Variants in LSAMP observed in about 807,000 individuals in gnomAD.
LSAMP encodes the protein limbic system-associated membrane protein.
LSAMP carries 7 observed loss-of-function variants against 38.6 expected under a neutral mutation model. The observed-to-expected ratio is 0.18, with a 90% CI of 0.10 to 0.34. The LOEUF is 0.34. Among genes scored for constraint, LSAMP ranks in the 10% least tolerant of loss-of-function variants. LSAMP has a pLI of 1.00. For synonymous variants in LSAMP, 154 were observed against 166.8 expected (o/e 0.92, Z 0.59); for missense variants, 313 against 420.0 (o/e 0.75, Z 2.23).
intron 3 of LSAMP, among the ~76,000 whole-genome samples, chr3:115,990,449 T>C (rs969131167): frequency 2.0e-5 from 3 of 152,062 alleles, no homozygotes; most frequent in Admixed American, 1.3e-4. Flanking sequence ...ATAAATTCTG[T>C]GACCTAGTAG....
chr3:116,102,785 A>ATCTG (rs1553703925), intron 1 of LSAMP, among the ~76,000 whole-genome samples: 7 of 151,690 alleles, frequency 4.6e-5, no homozygotes, highest in Non-Finnish European at 8.8e-5. Flanking sequence ...CTATCTATCT[A>ATCTG]TCTGTCTGTC....
chr3:116,165,693 G>C (rs1243922130), intron 1 of LSAMP, among the ~76,000 whole-genome samples: 1 of 152,084 alleles, frequency 6.6e-6, no homozygotes, highest in East Asian at 1.9e-4. Flanking sequence ...ATGTGAGCAG[G>C]GCAGGCTAGT....
chr3:115,886,038 G>C (rs1231778274), intron 3 of LSAMP, among the ~76,000 whole-genome samples: 1 of 151,918 alleles, frequency 6.6e-6, no homozygotes, highest in East Asian at 1.9e-4. Flanking sequence ...TTCTCTCTGT[G>C]CTTCAGAGAA....
chr3:116,281,495 G>T (rs778924090), intron 1 of LSAMP, among the ~76,000 whole-genome samples: 6 of 152,166 alleles, frequency 3.9e-5, no homozygotes, highest in African/African-American at 7.2e-5. Context: ...AGATTCAGAC[G>T]TGGTAGTTAG....
chr3:116,257,072 G>A (rs2107654449), intron 1 of LSAMP, among the ~76,000 whole-genome samples: 1 of 152,296 alleles, frequency 6.6e-6, no homozygotes, highest in South Asian at 2.1e-4. Context: ...GCTCTTCAAA[G>A]GAGGTACACA....
chr3:116,249,729 A>C (rs2046654550), intron 1 of LSAMP, among the ~76,000 whole-genome samples: 1 of 151,892 alleles, frequency 6.6e-6, no homozygotes, highest in South Asian at 2.1e-4. Context: ...TATATCCAAG[A>C]GAGTCCCGAA....
chr3:115,990,298 A>G lies in LSAMP; in HGVS notation c.514+29217T>C, dbSNP rs143606653. On this transcript the variant is annotated intron_variant, in intron 3 of 6. Coordinates refer to ENST00000490035, the MANE Select transcript of LSAMP (RefSeq NM_002338.5). ...TAGAGGGCTATAACAGCCAATCATGATAATAGGTTTGGTATTTGGGAGGAA... is the reference window on the plus strand; with the variant it reads ...TAGAGGGCTATAACAGCCAATCATGGTAATAGGTTTGGTATTTGGGAGGAA... 3.7e-3 allele frequency among the ~76,000 whole-genome samples: 569 copies of G among 152,186 alleles called. 1 individual carries two copies. Among genetic ancestry groups the G allele is most frequent in the African/African-American group, 0.012 (499 of 41,558 alleles).
intron 3 of LSAMP, among the ~76,000 whole-genome samples, chr3:115,932,797 T>G (rs899856191): frequency 6.6e-6 from 1 of 152,246 alleles, no homozygotes; most frequent in Non-Finnish European, 1.5e-5. Flanking sequence ...TATTCAATTA[T>G]TATTCAATTG....
At chr3:116,222,329 AT>A (rs2046295343) in intron 1 of LSAMP, among the ~76,000 whole-genome samples, 3 of 150,794 alleles carry the variant, frequency 2.0e-5, no homozygotes, top group Admixed American at 6.6e-5. Context: ...GCTGCATCCT[AT>A]GGGTTGACAG....
chr3:116,122,097 G>T (rs972093308), intron 1 of LSAMP, among the ~76,000 whole-genome samples: 13 of 152,004 alleles, frequency 8.6e-5, no homozygotes, highest in Admixed American at 8.5e-4. Flanking sequence ...TCAAAGCATT[G>T]GAGATAAGGT....
At chr3:116,024,050 T>G (rs1260629671) in intron 2 of LSAMP, among the ~76,000 whole-genome samples, 2 of 152,194 alleles carry the variant, frequency 1.3e-5, no homozygotes, top group African/African-American at 4.8e-5. Flanking sequence ...CCACCCTGCC[T>G]CCCACTCTGC....
At chr3:116,081,727 G>A (rs957971585) in intron 2 of LSAMP, among the ~76,000 whole-genome samples, 14 of 152,060 alleles carry the variant, frequency 9.2e-5, no homozygotes, top group South Asian at 2.1e-4. Context: ...GATAAAGTCC[G>A]ACAAGCCATG....
At chr3:116,076,285 T>A (rs1017401260) in intron 2 of LSAMP, among the ~76,000 whole-genome samples, 3 of 151,740 alleles carry the variant, frequency 2.0e-5, no homozygotes, top group Non-Finnish European at 4.4e-5. Context: ...TGAGACGGAG[T>A]CTCGCTCTGT....
Position 116,167,043 on chromosome 3 carries a change from G to A in LSAMP, c.156-80487C>T, listed in dbSNP as rs548727182. ...CCTGACCTCGTGATCCGCCCGCCTT[G>A]GCCTCCCAAAGTGCTGGGATTACAG... is the stretch of plus-strand genomic sequence containing the variant. On this transcript the variant is annotated intron_variant, in intron 1 of 6. Coordinates refer to ENST00000490035, the MANE Select transcript of LSAMP (RefSeq NM_002338.5). Among the ~76,000 whole-genome samples the A allele has an allele frequency of 8.1e-3, 1,228 of 152,062 alleles. 23 individuals are homozygous for A. The highest frequency in any genetic ancestry group is 0.028 in the African/African-American group (1,168 of 41,498).
chr3:116,221,962 C>CA (rs2046291148), intron 1 of LSAMP, among the ~76,000 whole-genome samples: 1 of 151,400 alleles, frequency 6.6e-6, no homozygotes, highest in Non-Finnish European at 1.5e-5. Context: ...GGGATTTATT[C>CA]AAAGGACAAT....
At chr3:116,133,935 G>T (rs574945366) in intron 1 of LSAMP, among the ~76,000 whole-genome samples, 4 of 152,120 alleles carry the variant, frequency 2.6e-5, no homozygotes, top group African/African-American at 9.6e-5. Context: ...GCTACAAGGT[G>T]GCATGACCCA....
At chr3:115,938,387 A>C (rs1291365886) in intron 3 of LSAMP, among the ~76,000 whole-genome samples, 1 of 152,202 alleles carries the variant, frequency 6.6e-6, no homozygotes, top group African/African-American at 2.4e-5. Flanking sequence ...TCCAACATTT[A>C]ACCATTTAGT....
chr3:116,343,644 T>C (rs2048025888), intron 1 of LSAMP, among the ~76,000 whole-genome samples: 1 of 152,100 alleles, frequency 6.6e-6, no homozygotes, highest in Non-Finnish European at 1.5e-5. Context: ...GGTTCACTGA[T>C]AGCGTGGGTC....
At chr3:116,126,032 C>A (rs1709001583) in intron 1 of LSAMP, among the ~76,000 whole-genome samples, 1 of 152,198 alleles carries the variant, frequency 6.6e-6, no homozygotes, top group Non-Finnish European at 1.5e-5. Flanking sequence ...GATTCTTCTG[C>A]AGCCCTCAAG....
Sources: allele counts gnomAD v4.1 joint callset (sites outside exome capture counted in the v4.1 genomes callset), GRCh38; gene constraint gnomAD v4.1.1; transcripts MANE v1.5; gene names NCBI Gene and HGNC (gene_info 2026-07-23, HGNC 2026-07-21).